The following RORA variants were observed in gnomAD, a reference collection of about 807,000 sequenced individuals.
RORA encodes nuclear receptor ROR-alpha.
Under a neutral mutation model 69.5 loss-of-function variants are expected in RORA, and 7 were observed. That is an observed-to-expected ratio of 0.10 (90% CI 0.06 to 0.19). The LOEUF (loss-of-function observed/expected upper bound fraction) is 0.19. Ranked by LOEUF, RORA falls within the 10% of genes least tolerant of loss-of-function variation. RORA has a pLI of 1.00. For synonymous variants in RORA, 261 were observed against 240.8 expected (o/e 1.08, Z -0.78); for missense variants, 457 against 663.0 (o/e 0.69, Z 3.41).
chr15:61,166,914 C>T (rs1330548931), intron 1 of RORA, among the ~76,000 whole-genome samples: 1 of 152,190 alleles, frequency 6.6e-6, no homozygotes, highest in East Asian at 1.9e-4. Flanking sequence ...ATCCTCATCC[C>T]CACAACCTAC....
chr15:60,754,110 T>C (rs762004790), intron 1 of RORA, among the ~76,000 whole-genome samples: 1 of 152,260 alleles, frequency 6.6e-6, no homozygotes, highest in Non-Finnish European at 1.5e-5. Context: ...ACTTCCTATA[T>C]TGTGTTAGTC....
chr15:61,100,193 C>A (rs371625219), intron 1 of RORA, among the ~76,000 whole-genome samples: 2 of 148,562 alleles, frequency 1.3e-5, no homozygotes, highest in Non-Finnish European at 3.0e-5. Flanking sequence ...GATCTCGGCT[C>A]ACTGCAGCCT....
intron 1 of RORA, among the ~76,000 whole-genome samples, chr15:60,696,556 C>G (rs143890444): frequency 1.8e-4 from 27 of 152,082 alleles, no homozygotes; most frequent in Admixed American, 6.5e-5. Context: ...CCCAGCCCAC[C>G]GCACCACCAC....
At chr15:61,121,683 CAT>C (rs1329147948) in intron 1 of RORA, among the ~76,000 whole-genome samples, 3 of 152,050 alleles carry the variant, frequency 2.0e-5, no homozygotes, top group Admixed American at 6.5e-5. Context: ...TCCAAAGACT[CAT>C]ATTCTTCATG....
chr15:60,836,654 A>G (rs533632157), intron 1 of RORA, among the ~76,000 whole-genome samples: 49 of 152,254 alleles, frequency 3.2e-4, no homozygotes. Flanking sequence ...AATCAAACTC[A>G]GCCTTCTTGC....
intron 1 of RORA, among the ~76,000 whole-genome samples, chr15:60,947,221 T>G (rs921615492): frequency 1.2e-4 from 19 of 152,174 alleles, no homozygotes; most frequent in Non-Finnish European, 2.2e-4. Flanking sequence ...GAACGGGCCA[T>G]GATGACGATG....
At chr15:60,505,463 C>A (rs199855717) in intron 6 of RORA, 45 bp downstream of exon 6, 35 of 1,604,324 alleles carry the variant, frequency 2.2e-5, no homozygotes, top group Non-Finnish European at 3.0e-5. Flanking sequence ...AACACCCTTC[C>A]CAATATTGCC....
chr15:60,944,565 A>C (rs1338199103), intron 1 of RORA, among the ~76,000 whole-genome samples: 1 of 151,974 alleles, frequency 6.6e-6, no homozygotes, highest in Admixed American at 6.6e-5. Flanking sequence ...ACAAATACAA[A>C]AAAGAAAAAA....
At chr15:60,654,292 C>T (rs1235636488) in intron 2 of RORA, among the ~76,000 whole-genome samples, 2 of 152,174 alleles carry the variant, frequency 1.3e-5, no homozygotes, top group South Asian at 2.1e-4. Context: ...TAGAAGAGGC[C>T]GATTTATTTT....
At chr15:61,109,190 C>T (rs1181109870) in intron 1 of RORA, among the ~76,000 whole-genome samples, 2 of 152,034 alleles carry the variant, frequency 1.3e-5, no homozygotes, top group African/African-American at 4.8e-5. Context: ...GCAAGACTTC[C>T]TCTCAAAAAA....
chr15:61,205,431 T>C lies in RORA; in HGVS notation c.166+23622A>G, dbSNP rs533355011. On this transcript the variant is annotated intron_variant, in intron 1 of 10. Transcript: ENST00000335670. ...TCTGCCAAGCCACAGTCGCAGGTTGTTCTCAACAATTGGTTAAAGTTACTT... is the reference window on the plus strand; with the variant it reads ...TCTGCCAAGCCACAGTCGCAGGTTGCTCTCAACAATTGGTTAAAGTTACTT... 6.4e-4 allele frequency among the ~76,000 whole-genome samples: 98 copies of C among 152,332 alleles called. 3 individuals carry two copies. The highest frequency in any genetic ancestry group is 3.5e-4 in the Non-Finnish European group (24 of 68,036).
chr15:61,159,621 G>T (rs749098945), intron 1 of RORA, among the ~76,000 whole-genome samples: 3 of 152,112 alleles, frequency 2.0e-5, no homozygotes, highest in Non-Finnish European at 2.9e-5. Context: ...CTAACATCGT[G>T]TTCCAAAATA....
At chr15:60,572,024 C>G (rs2067897253) in intron 2 of RORA, among the ~76,000 whole-genome samples, 1 of 152,218 alleles carries the variant, frequency 6.6e-6, no homozygotes, top group African/African-American at 2.4e-5. Flanking sequence ...AATCCCAGCA[C>G]TCCCAGATGA....
intron 1 of RORA, among the ~76,000 whole-genome samples, chr15:60,825,724 T>A (rs530581224): frequency 1.2e-4 from 19 of 152,350 alleles, no homozygotes; most frequent in Non-Finnish European, 2.6e-4. Context: ...CCTCCTCTTC[T>A]GTGACATACA....
intron 1 of RORA, among the ~76,000 whole-genome samples, chr15:61,222,445 C>G (rs569439348): frequency 1.3e-5 from 2 of 152,162 alleles, no homozygotes. Context: ...TAAGAGCTGG[C>G]GCAAAAAGCC....
intron 1 of RORA, among the ~76,000 whole-genome samples, chr15:60,766,032 T>G (rs1012019241): frequency 1.3e-5 from 2 of 152,230 alleles, no homozygotes; most frequent in Non-Finnish European, 2.9e-5. Flanking sequence ...AAGGTTTTAA[T>G]GAATGGCTTC....
chr15:60,828,014 A>G (rs1350130455), intron 1 of RORA, among the ~76,000 whole-genome samples: 1 of 152,220 alleles, frequency 6.6e-6, no homozygotes, highest in Non-Finnish European at 1.5e-5. Context: ...TATCAGAGAA[A>G]AACTAGTACC....
chr15:60,592,540 G>C (rs2068561127), intron 2 of RORA: 4 of 1,276,376 alleles, frequency 3.1e-6, no homozygotes, highest in Non-Finnish European at 3.0e-6. Context: ...CGCCCGCCGA[G>C]AGCCATCCCG....
At chr15:60,611,233 C>T (rs551014873) in intron 2 of RORA, among the ~76,000 whole-genome samples, 1 of 152,180 alleles carries the variant, frequency 6.6e-6, no homozygotes, top group East Asian at 1.9e-4. Context: ...ATCTCTCAGA[C>T]CTCAGAAGAT....
Sources: gnomAD v4.1 joint callset for allele counts (sites outside exome capture counted in the v4.1 genomes callset) on GRCh38, gnomAD v4.1.1 for gene constraint, MANE v1.5 for transcripts, NCBI Gene and HGNC (gene_info 2026-07-23, HGNC 2026-07-21) for gene names.